L3MBTL4: variants seen among roughly 807,000 people sequenced by gnomAD.
L3MBTL4 encodes the protein lethal(3)malignant brain tumor-like protein 4.
A neutral mutation model predicts 84.5 loss-of-function variants in L3MBTL4; 70 were observed. The ratio of observed to expected loss-of-function variants is 0.83; its 90% CI spans 0.68 to 1.01. The LOEUF (loss-of-function observed/expected upper bound fraction) is 1.01, where lower values mean the gene tolerates loss of function less well. Ranked by LOEUF, L3MBTL4 falls within the 50% of genes least tolerant of loss-of-function variation. L3MBTL4 has a pLI of 0.00. For synonymous variants in L3MBTL4, 274 were observed against 259.8 expected (o/e 1.05, Z -0.52); for missense variants, 715 against 754.8 (o/e 0.95, Z 0.62).
At chr18:6,290,336 T>C (rs1490582871) in intron 4 of L3MBTL4, among the ~76,000 whole-genome samples, 1 of 151,878 alleles carries the variant, frequency 6.6e-6, no homozygotes, top group East Asian at 1.9e-4. Context: ...AGTTTATCAA[T>C]ATAATTTCCT....
Position 6,391,752 on chromosome 18 carries a change from A to AACTACTACT in L3MBTL4, c.-91+23040_-91+23048dup, listed in dbSNP as rs139560897. On this transcript the variant is annotated intron_variant, in intron 1 of 18. Transcript: ENST00000317931. ...TACAACATCTGCAAACAACAACAAC[A>AACTACTACT]ACTACTACTACTACTACTACTACTA... 4.9e-3 allele frequency among the ~76,000 whole-genome samples: 739 copies of AACTACTACT among 150,110 alleles called. 4 individuals carry two copies. Among genetic ancestry groups the AACTACTACT allele is most frequent in the African/African-American group, 0.017 (693 of 40,448 alleles).
chr18:6,255,965 T>C (rs2048122520), intron 5 of L3MBTL4, among the ~76,000 whole-genome samples: 1 of 152,210 alleles, frequency 6.6e-6, no homozygotes. Flanking sequence ...TTTAAAGTAC[T>C]AAGAAGCATC....
chr18:5,962,096 G>T (rs1378838939), intron 17 of L3MBTL4, among the ~76,000 whole-genome samples: 1 of 152,184 alleles, frequency 6.6e-6, no homozygotes, highest in Non-Finnish European at 1.5e-5. Context: ...GATTTGATTA[G>T]CGGTGGAGGA....
intron 12 of L3MBTL4, among the ~76,000 whole-genome samples, chr18:6,184,218 G>T (rs1174768019): frequency 1.3e-5 from 2 of 152,044 alleles, no homozygotes; most frequent in African/African-American, 4.8e-5. Context: ...TTCTAAATTG[G>T]TCATATAAAT....
intron 1 of L3MBTL4, among the ~76,000 whole-genome samples, chr18:6,403,992 A>G (rs2055615800): frequency 6.6e-6 from 1 of 152,170 alleles, no homozygotes; most frequent in Non-Finnish European, 1.5e-5. Context: ...GAAGTAACTC[A>G]GGAATGGAAA....
intron 1 of L3MBTL4, chr18:6,396,544 G>A (rs1453405903): frequency 6.6e-6 from 1 of 152,264 alleles, no homozygotes; most frequent in Non-Finnish European, 1.5e-5. Context: ...GCAGGCTCCA[G>A]CAGCTAGTAA....
chr18:5,990,047 A>G (rs1363183092), intron 16 of L3MBTL4, among the ~76,000 whole-genome samples: 1 of 152,182 alleles, frequency 6.6e-6, no homozygotes, highest in Non-Finnish European at 1.5e-5. Flanking sequence ...TCCATCCTCA[A>G]GATAAGCAGG....
chr18:5,959,514 T>C (rs2095251417), intron 18 of L3MBTL4, among the ~76,000 whole-genome samples: 1 of 152,166 alleles, frequency 6.6e-6, no homozygotes, highest in African/African-American at 2.4e-5. Context: ...TGCGAAGCAG[T>C]TCAGTACATT....
chr18:6,059,203 C>G (rs545404270), intron 16 of L3MBTL4, among the ~76,000 whole-genome samples: 1 of 152,274 alleles, frequency 6.6e-6, no homozygotes, highest in East Asian at 1.9e-4. Flanking sequence ...GACTCCAGTT[C>G]GAGAGGGTTA....
At chr18:6,108,207 A>AT (rs1342845031) in intron 14 of L3MBTL4, among the ~76,000 whole-genome samples, 1 of 152,210 alleles carries the variant, frequency 6.6e-6, no homozygotes, top group African/African-American at 2.4e-5. Context: ...GGTCGAGCAC[A>AT]TATGCCTTAG....
chr18:6,078,025 C>G (rs1390064679), intron 16 of L3MBTL4, among the ~76,000 whole-genome samples: 4 of 149,442 alleles, frequency 2.7e-5, no homozygotes, highest in African/African-American at 9.9e-5. Context: ...AAGACTTCGT[C>G]TCAATAAATA....
chr18:6,205,658 T>C (rs1031814132), intron 12 of L3MBTL4, among the ~76,000 whole-genome samples: 2 of 152,246 alleles, frequency 1.3e-5, no homozygotes, highest in African/African-American at 4.8e-5. Flanking sequence ...TCCATCATCC[T>C]TTCTTATATC....
At chr18:6,009,541 G>T (rs550804449) in intron 16 of L3MBTL4, among the ~76,000 whole-genome samples, 1 of 152,104 alleles carries the variant, frequency 6.6e-6, no homozygotes, top group Admixed American at 6.5e-5. Flanking sequence ...TTGGTTCCAG[G>T]ACCCCTTTGG....
chr18:5,999,880 C>T (rs369873901), intron 16 of L3MBTL4, among the ~76,000 whole-genome samples: 1 of 152,148 alleles, frequency 6.6e-6, no homozygotes, highest in South Asian at 2.1e-4. Flanking sequence ...AGAAGCCCTA[C>T]TGGACTTAGT....
At chr18:6,270,158 C>T (rs1490436727) in intron 4 of L3MBTL4, among the ~76,000 whole-genome samples, 2 of 152,186 alleles carry the variant, frequency 1.3e-5, no homozygotes, top group Admixed American at 6.5e-5. Context: ...GGAAATGATA[C>T]GATCTTCCCA....
chr18:6,376,388 G>C (rs1276756702), intron 1 of L3MBTL4, among the ~76,000 whole-genome samples: 6 of 152,194 alleles, frequency 3.9e-5, no homozygotes, highest in African/African-American at 1.4e-4. Flanking sequence ...AAATTACACT[G>C]TCTGTTCATT....
intron 12 of L3MBTL4, among the ~76,000 whole-genome samples, chr18:6,194,581 T>A (rs886406169): frequency 9.9e-5 from 15 of 152,160 alleles, no homozygotes; most frequent in Admixed American, 8.5e-4. Flanking sequence ...TTCACTATTA[T>A]CCCAGCAGAA....
chr18:6,359,198 G>A (rs2053572402), intron 1 of L3MBTL4, among the ~76,000 whole-genome samples: 1 of 152,342 alleles, frequency 6.6e-6, no homozygotes, highest in South Asian at 2.1e-4. Context: ...GGCGGCTCAT[G>A]CCTGTAATCT....
chr18:6,311,504 T>C (rs1228145678), intron 3 of L3MBTL4, 50 bp downstream of exon 3: 8 of 1,472,266 alleles, frequency 5.4e-6, no homozygotes. Flanking sequence ...ATGGTGCATT[T>C]TGGTAGCGAT....
Sources: gnomAD v4.1 joint callset for allele counts (sites outside exome capture counted in the v4.1 genomes callset) on GRCh38, gnomAD v4.1.1 for gene constraint, MANE v1.5 for transcripts, NCBI Gene and HGNC (gene_info 2026-07-23, HGNC 2026-07-21) for gene names.